The following FANCL variants were observed in gnomAD, a reference collection of about 807,000 sequenced individuals.
FANCL encodes FA complementation group L, also known as E3 ubiquitin-protein ligase FANCL.
FANCL carries 69 observed loss-of-function variants against 59.4 expected under a neutral mutation model. The ratio of observed to expected loss-of-function variants is 1.16; its 90% confidence interval spans 0.96 to 1.42. The LOEUF is 1.42. Among genes scored for constraint, FANCL ranks in the 40% most tolerant of loss-of-function variants. The probability of loss-of-function intolerance (pLI) is 0.00; values close to 1 mark genes in which losing one functional copy is unlikely to be tolerated. For synonymous variants in FANCL, 180 were observed against 147.1 expected, an observed-to-expected ratio of 1.22 and a Z score of -1.62; for missense variants, 519 against 447.2, an observed-to-expected ratio of 1.16 and a Z score of -1.45.
intron 5 of FANCL, among the ~76,000 whole-genome samples, chr2:58,209,359 T>C (rs972231472): frequency 2.0e-5 from 3 of 152,152 alleles, no homozygotes; most frequent in Non-Finnish European, 4.4e-5. Context: ...GTTAAGCATA[T>C]TACCAACCTA....
chr2:58,181,209 T>TA (rs1487474525), intron 7 of FANCL, among the ~76,000 whole-genome samples: 1 of 152,070 alleles, frequency 6.6e-6, no homozygotes, highest in Admixed American at 6.6e-5. Context: ...AATGGACTAT[T>TA]ACTCAGGAAT....
At chr2:58,198,453 A>C in intron 7 of FANCL, 141 bp downstream of exon 7, 1 of 663,382 alleles carries the variant, frequency 1.5e-6, no homozygotes, top group Non-Finnish European at 2.6e-6. Flanking sequence ...ACAAAGTCCC[A>C]TTTATATAAG....
chr2:58,193,509 T>C (rs1000447849), intron 7 of FANCL, among the ~76,000 whole-genome samples: 65 of 152,142 alleles, frequency 4.3e-4, no homozygotes, highest in Admixed American at 3.3e-4. Context: ...ACGCTTATAC[T>C]TTTTCTACCA....
chr2:58,231,295 C>T (rs1049097137), intron 2 of FANCL, among the ~76,000 whole-genome samples: 2 of 152,170 alleles, frequency 1.3e-5, no homozygotes, highest in Admixed American at 6.5e-5. Context: ...CACATCTGCA[C>T]TCCAGGTCTC....
At chr2:58,200,206 T>C (rs1248283431) in intron 6 of FANCL, among the ~76,000 whole-genome samples, 1 of 152,070 alleles carries the variant, frequency 6.6e-6, no homozygotes, top group Non-Finnish European at 1.5e-5. Flanking sequence ...ATCATTGCTG[T>C]AATCACTGGA....
intron 7 of FANCL, among the ~76,000 whole-genome samples, chr2:58,173,121 GAA>G (rs1686854851): frequency 6.6e-6 from 1 of 152,168 alleles, no homozygotes; most frequent in South Asian, 2.1e-4. Context: ...AAGCCTCCAA[GAA>G]ATATGGCACC....
At chr2:58,235,662 C>A (rs1035143139) in intron 1 of FANCL, among the ~76,000 whole-genome samples, 1 of 151,768 alleles carries the variant, frequency 6.6e-6, no homozygotes, top group Non-Finnish European at 1.5e-5. Flanking sequence ...AGAAGCAAGG[C>A]AATACCCACA....
At chr2:58,212,525 C>G (rs561851791) in intron 5 of FANCL, among the ~76,000 whole-genome samples, 2 of 152,242 alleles carry the variant, frequency 1.3e-5, no homozygotes, top group South Asian at 4.2e-4. Context: ...TAAATTAGGG[C>G]TGTCCTAGGC....
chr2:58,173,049 G>A (rs546845119), intron 7 of FANCL, among the ~76,000 whole-genome samples: 6 of 152,284 alleles, frequency 3.9e-5, no homozygotes, highest in Non-Finnish European at 7.4e-5. Context: ...GACGGAAGAT[G>A]AAGTGAATGA....
Position 58,207,475 on chromosome 2 carries a change from C to T in FANCL, c.375-3249G>A, listed in dbSNP as rs114766239. ...GCGGATGGCTGAGAAACAAAAGAAA[C>T]CTGGATTCTTGAATGTCCTTGTGAA... is the stretch of plus-strand genomic sequence containing the variant. On this transcript the variant is annotated intron_variant, in intron 5 of 13. Transcript: ENST00000233741. Among the ~76,000 whole-genome samples the T allele has an allele frequency of 6.4e-3, 969 of 152,198 alleles. 12 individuals carry two copies. The highest frequency in any genetic ancestry group is 0.021 in the African/African-American group (871 of 41,538).
At chr2:58,226,057 G>T (rs1276043510) in intron 4 of FANCL, among the ~76,000 whole-genome samples, 1 of 151,970 alleles carries the variant, frequency 6.6e-6, no homozygotes, top group Non-Finnish European at 1.5e-5. Flanking sequence ...TATTTACAGA[G>T]GGATACATAC....
At chr2:58,174,430 C>G (rs973087921) in intron 7 of FANCL, among the ~76,000 whole-genome samples, 4 of 152,112 alleles carry the variant, frequency 2.6e-5, no homozygotes, top group Non-Finnish European at 5.9e-5. Context: ...GAAATCATAA[C>G]AAACTGTCTC....
chr2:58,186,643 C>T (rs1277729801), intron 7 of FANCL, among the ~76,000 whole-genome samples: 1 of 152,058 alleles, frequency 6.6e-6, no homozygotes, highest in Non-Finnish European at 1.5e-5. Context: ...GCTGAATTGC[C>T]CTAAAGGGGA....
intron 6 of FANCL, among the ~76,000 whole-genome samples, chr2:58,202,260 AAG>A (rs1053824962): frequency 2.0e-5 from 3 of 148,488 alleles, no homozygotes; most frequent in African/African-American, 7.3e-5. Context: ...AAAAAAAAAA[AAG>A]ACTTCCTGGT....
In FANCL at chr2:58,159,378, A is replaced by G. The variant is rs928036124; in HGVS notation, c.*387T>C. The G allele has an allele frequency of 2.5e-6, 4 of 1,610,476 alleles. No homozygotes were observed. The East Asian group carries it at 6.7e-5, about 27-fold the overall frequency. On this transcript the variant is annotated 3_prime_UTR_variant, in exon 14 of 14. Coordinates refer to ENST00000233741, the MANE Select transcript of FANCL (RefSeq NM_018062.4). ...GCACAAGGAGAAGACAGAAATATCA[A>G]GAGTCTCAAGAACCTTTGAATGAAG... is the stretch of plus-strand genomic sequence containing the variant.
chr2:58,220,525 A>T (rs1029171884), intron 5 of FANCL, among the ~76,000 whole-genome samples: 21 of 152,266 alleles, frequency 1.4e-4, no homozygotes, highest in African/African-American at 5.1e-4. Flanking sequence ...GTGCATTTTT[A>T]TCACCTCTAG....
intron 6 of FANCL, among the ~76,000 whole-genome samples, chr2:58,201,583 T>G (rs1273356836): frequency 6.6e-6 from 1 of 151,962 alleles, no homozygotes; most frequent in Non-Finnish European, 1.5e-5. Context: ...TGTAATTTGT[T>G]TTTCAAGTAG....
chr2:58,205,909 T>C (rs1690538410), intron 5 of FANCL, among the ~76,000 whole-genome samples: 1 of 152,130 alleles, frequency 6.6e-6, no homozygotes, highest in African/African-American at 2.4e-5. Flanking sequence ...GTAATTACTC[T>C]GCCACTAACT....
intron 1 of FANCL, among the ~76,000 whole-genome samples, chr2:58,236,404 A>T (rs540438325): frequency 6.6e-5 from 10 of 152,046 alleles, no homozygotes; most frequent in Admixed American, 4.6e-4. Context: ...TCCTAATATT[A>T]CGTTAAGGCA....
Sources: gnomAD v4.1 joint callset for allele counts (sites outside exome capture counted in the v4.1 genomes callset) on GRCh38, gnomAD v4.1.1 for gene constraint, MANE v1.5 for transcripts, NCBI Gene and HGNC (gene_info 2026-07-23, HGNC 2026-07-21) for gene names.